Variants in TMEM216 observed in about 807,000 individuals in gnomAD.
TMEM216 encodes the protein transmembrane protein 216, also known as cerebello-oculo-renal syndrome 2.
Under a neutral mutation model 17.8 loss-of-function variants are expected in TMEM216, and 15 were observed. The ratio of observed to expected loss-of-function variants is 0.84; its 90% confidence interval spans 0.56 to 1.30. The LOEUF (loss-of-function observed/expected upper bound fraction) is 1.30. TMEM216 is among the 50% of genes most tolerant of loss of function. The pLI is 0.00. For missense variants in TMEM216, 160 were observed against 175.7 expected (o/e 0.91, Z 0.51); for synonymous variants, 58 against 73.5 (o/e 0.79, Z 1.08).
chr11:61,396,417 T>C (rs896138049), intron 3 of TMEM216, among the ~76,000 whole-genome samples: 1 of 151,804 alleles, frequency 6.6e-6, no homozygotes, highest in African/African-American at 2.4e-5. Context: ...AGGCGGAAGT[T>C]GCAGTGAGCC....
rs763747927 is a variant in TMEM216, at chr11:61,397,909, G to A, written c.365G>A (p.Gly122Asp). 1 of 1,614,014 alleles carries A rather than the reference G, an allele frequency of 6.2e-7. No homozygotes were observed. The highest frequency in any genetic ancestry group is 1.1e-5 in the South Asian group (1 of 91,090). Residue 122 changes from glycine (G) to aspartate (D), a missense_variant, in exon 4 of 5, where the codon GGC becomes GAC. Coordinates refer to ENST00000515837, the MANE Select transcript of TMEM216 (RefSeq NM_001173990.3). ...YVLRLEAIMN[G>D]ILLFFCGSEL... ...CTCCGCCTGGAAGCCATCATGAATG[G>A]CATCTTGCTCTTCTTCTGTGGCTCA...
chr11:61,398,005 A>T, intron 4 of TMEM216, 30 bp downstream of exon 4: 1 of 1,610,874 alleles, frequency 6.2e-7, no homozygotes. Flanking sequence ...ATTTCTCATC[A>T]CTAGAGGGTT....
chr11:61,397,725 C>T, intron 3 of TMEM216, 49 bp from the exon 4 acceptor site: 1 of 1,562,384 alleles, frequency 6.4e-7, no homozygotes, highest in Non-Finnish European at 8.8e-7. Flanking sequence ...TCCCCTGGGC[C>T]AGGAAAAGCA....
intron 3 of TMEM216, 124 bp downstream of exon 3, chr11:61,394,100 TC>T: frequency 1.2e-6 from 1 of 846,874 alleles, no homozygotes. Context: ...ATCCTATTAC[TC>T]CGTCTCTGAA....
Position 61,398,529 on chromosome 11 carries a change from C to T in TMEM216, c.*253C>T. 1.9e-6 allele frequency: 1 copy of T among 529,804 alleles called. No individual in the cohort carries two copies. Among genetic ancestry groups the T allele is most frequent in the Non-Finnish European group, 3.3e-6 (1 of 298,742 alleles). 32.8% of individuals were successfully genotyped at this position (529,804 alleles called of 1,614,324 possible). ...GGGGCAAGGTTATTCCCATCCTGCCCCTTCTCAGAACCAGTCCCCTGCTGA... is the reference window on the plus strand; with the variant it reads ...GGGGCAAGGTTATTCCCATCCTGCCTCTTCTCAGAACCAGTCCCCTGCTGA... On this transcript the variant is annotated 3_prime_UTR_variant, in exon 5 of 5. Coordinates refer to ENST00000515837, the MANE Select transcript of TMEM216 (RefSeq NM_001173990.3).
intron 1 of TMEM216, 118 bp from the exon 2 acceptor site, chr11:61,393,113 T>C: frequency 1.9e-6 from 1 of 538,638 alleles, no homozygotes. Context: ...GAAGTGCCCC[T>C]GAGTGGCCGG....
chr11:61,396,389 G>T (rs546310708), intron 3 of TMEM216, among the ~76,000 whole-genome samples: 3 of 152,058 alleles, frequency 2.0e-5, no homozygotes, highest in Non-Finnish European at 4.4e-5. Context: ...TGAGGCAGGA[G>T]AATCACTTGA....
chr11:61,394,053 C>T (rs1260923890), intron 3 of TMEM216, 77 bp downstream of exon 3: 58 of 1,346,938 alleles, frequency 4.3e-5, no homozygotes, highest in Non-Finnish European at 5.5e-5. Flanking sequence ...AAGAAAAGTA[C>T]ATAACCTAGG....
chr11:61,395,894 C>T (rs1456415996), intron 3 of TMEM216, among the ~76,000 whole-genome samples: 1 of 151,866 alleles, frequency 6.6e-6, no homozygotes, highest in Non-Finnish European at 1.5e-5. Context: ...TTTATAACAC[C>T]CAGTATTAGG....
chr11:61,398,047 C>T, intron 4 of TMEM216, 72 bp downstream of exon 4: 3 of 1,568,464 alleles, frequency 1.9e-6, no homozygotes, highest in Non-Finnish European at 2.6e-6. Flanking sequence ...ATTCAGTATT[C>T]TTCTGAAGCC....
chr11:61,393,777 T>C, intron 2 of TMEM216, 107 bp from the exon 3 acceptor site: 1 of 751,246 alleles, frequency 1.3e-6, no homozygotes, highest in Non-Finnish European at 2.2e-6. Context: ...TCTCACTAAC[T>C]AGTTCATGGA....
At chr11:61,393,197 C>T (rs1045541681) in intron 1 of TMEM216, 34 bp from the exon 2 acceptor site, 13 of 1,481,276 alleles carry the variant, frequency 8.8e-6, no homozygotes, top group African/African-American at 1.4e-5. Context: ...AGCTGCCTTC[C>T]GGCCCATCCC....
intron 3 of TMEM216, among the ~76,000 whole-genome samples, chr11:61,394,467 C>A (rs1858755681): frequency 6.6e-6 from 1 of 151,536 alleles, no homozygotes. Flanking sequence ...CTCCCGGGAT[C>A]AAGCGATTCT....
At chr11:61,392,994 CTT>C in intron 1 of TMEM216, 3 of 654,544 alleles carry the variant, frequency 4.6e-6, no homozygotes, top group African/African-American at 2.0e-5. Flanking sequence ...TACCTCTTGA[CTT>C]TTATTCCTGA....
At chr11:61,397,202 T>C (rs1373527319) in intron 3 of TMEM216, among the ~76,000 whole-genome samples, 1 of 151,880 alleles carries the variant, frequency 6.6e-6, no homozygotes, top group East Asian at 1.9e-4. Context: ...AGTCTTGCTT[T>C]GTTCCCCAGG....
intron 1 of TMEM216, 78 bp from the exon 2 acceptor site, chr11:61,393,153 A>G: frequency 9.2e-7 from 1 of 1,091,220 alleles, no homozygotes; most frequent in Non-Finnish European, 1.3e-6. Context: ...TAGTTTCCCC[A>G]AAGTTAGACA....
chr11:61,393,102 A>G, intron 1 of TMEM216, 129 bp from the exon 2 acceptor site: 1 of 539,376 alleles, frequency 1.9e-6, no homozygotes, highest in Non-Finnish European at 2.8e-6. Flanking sequence ...ATCAGCAACC[A>G]GAAGTGCCCC....
In TMEM216 at chr11:61,394,144, G is replaced by T. The variant is rs1343915696; in HGVS notation, c.229+168G>T. On this transcript the variant is annotated intron_variant, in intron 3 of 4. Coordinates refer to ENST00000515837, the MANE Select transcript of TMEM216 (RefSeq NM_001173990.3). ...GTTGCTGCTTCATACATTGGGTCAA[G>T]ATTTACCTGTTTGTTGCTCTGTAAG... 6 of 614,724 alleles carry T rather than the reference G, an allele frequency of 9.8e-6. No individual in the cohort carries two copies. In the African/African-American group the frequency reaches 1.1e-4, roughly 11 times the overall value. The allele number at this position is 614,724 out of a possible 1,614,324, so 38.1% of individuals were successfully genotyped here.
chr11:61,392,738 C>G, intron 1 of TMEM216, 73 bp downstream of exon 1: 1 of 1,535,344 alleles, frequency 6.5e-7, no homozygotes, highest in Non-Finnish European at 8.7e-7. Context: ...TGTCCCAGAG[C>G]TTGACCTAAA....
Sources: gnomAD v4.1 joint callset for allele counts (sites outside exome capture counted in the v4.1 genomes callset) on GRCh38, gnomAD v4.1.1 for gene constraint, MANE v1.5 for transcripts, NCBI Gene and HGNC (gene_info 2026-07-23, HGNC 2026-07-21) for gene names.